The following SUCLG2 variants were observed in gnomAD, a reference collection of about 807,000 sequenced individuals.
SUCLG2 encodes succinate--CoA ligase [GDP-forming] subunit beta, mitochondrial.
A neutral mutation model predicts 47.9 loss-of-function variants in SUCLG2; 42 were observed. That is an observed-to-expected ratio of 0.88 (90% CI 0.69 to 1.14). SUCLG2 has a LOEUF of 1.14. Ranked by LOEUF, SUCLG2 falls within the 50% of genes most tolerant of loss-of-function variation. The probability of loss-of-function intolerance (pLI) is 0.00; values close to 1 mark genes in which losing one functional copy is unlikely to be tolerated. For synonymous variants in SUCLG2, 195 were observed against 197.3 expected (o/e 0.99, Z 0.10); for missense variants, 571 against 525.9 (o/e 1.09, Z -0.84).
intron 10 of SUCLG2, among the ~76,000 whole-genome samples, chr3:67,366,071 A>G (rs1227064925): frequency 2.0e-5 from 3 of 152,200 alleles, no homozygotes; most frequent in African/African-American, 4.8e-5. Context: ...CCCTAAAGAC[A>G]TAAAATCCCT....
intron 9 of SUCLG2, among the ~76,000 whole-genome samples, chr3:67,401,421 G>C (rs1702680963): frequency 6.6e-6 from 1 of 151,918 alleles, no homozygotes; most frequent in Non-Finnish European, 1.5e-5. Flanking sequence ...ATTAAAAAAA[G>C]ACTCTCGAAA....
chr3:67,442,035 A>G (rs1703777757), intron 9 of SUCLG2, among the ~76,000 whole-genome samples: 1 of 147,008 alleles, frequency 6.8e-6, no homozygotes, highest in South Asian at 2.2e-4. Context: ...TTTTGAGACG[A>G]AGTCTCGCTC....
chr3:67,589,298 G>T (rs745980725), intron 2 of SUCLG2, among the ~76,000 whole-genome samples: 9 of 152,102 alleles, frequency 5.9e-5, no homozygotes, highest in African/African-American at 9.7e-5. Flanking sequence ...ACATTATATT[G>T]TAAGTCTTTA....
chr3:67,558,925 T>TA (rs1172161415), intron 2 of SUCLG2, among the ~76,000 whole-genome samples: 1 of 151,974 alleles, frequency 6.6e-6, no homozygotes, highest in East Asian at 1.9e-4. Flanking sequence ...GGTTAAAAAA[T>TA]AAAAAATGAA....
chr3:67,540,443 G>A (rs1706671641), intron 2 of SUCLG2, among the ~76,000 whole-genome samples: 1 of 152,050 alleles, frequency 6.6e-6, no homozygotes, highest in African/African-American at 2.4e-5. Flanking sequence ...AGTTCTGACT[G>A]GGCAGAGCCC....
At position 67,637,437 on chromosome 3, in the gene SUCLG2, G is replaced by C. The variant is rs76883115; in HGVS notation, c.84+17066C>G. 9.1e-3 allele frequency among the ~76,000 whole-genome samples: 1,387 copies of C among 152,252 alleles called. 8 individuals are homozygous for C. The highest frequency in any genetic ancestry group is 0.013 in the Non-Finnish European group (852 of 68,002). On this transcript the variant is annotated intron_variant, in intron 1 of 10. Transcript: ENST00000307227. The stretch of plus-strand genomic sequence containing the variant: ...GTGGATTTTAAAAAACGAAAGTACA[G>C]TCTGTCTCAGGAAAATTGTACTTGT...
intron 9 of SUCLG2, among the ~76,000 whole-genome samples, chr3:67,439,150 C>T (rs549073117): frequency 5.3e-5 from 8 of 152,206 alleles, no homozygotes; most frequent in Non-Finnish European, 1.0e-4. Flanking sequence ...ATGATTATCT[C>T]AATAGATGCA....
chr3:67,435,656 G>A (rs1025078912), intron 9 of SUCLG2, among the ~76,000 whole-genome samples: 5 of 152,168 alleles, frequency 3.3e-5, no homozygotes, highest in Non-Finnish European at 1.5e-5. Flanking sequence ...TGCAAGAATA[G>A]GAAAGCTAGT....
chr3:67,424,665 T>C (rs12489897), intron 9 of SUCLG2, among the ~76,000 whole-genome samples: 116,308 of 151,364 alleles, frequency 0.77, 44,948 homozygotes, highest in Admixed American at 0.87. Flanking sequence ...AAGTACAAGA[T>C]CCTGGCAAGT....
chr3:67,473,675 G>T (rs984777900), intron 9 of SUCLG2, among the ~76,000 whole-genome samples: 2 of 152,136 alleles, frequency 1.3e-5, no homozygotes, highest in African/African-American at 4.8e-5. Context: ...ATGATATTTT[G>T]TTTGGAAAAG....
At chr3:67,640,893 A>G (rs1026736547) in intron 1 of SUCLG2, among the ~76,000 whole-genome samples, 1 of 152,228 alleles carries the variant, frequency 6.6e-6, no homozygotes, top group African/African-American at 2.4e-5. Context: ...GAATTAAGTT[A>G]CAAAACTGTT....
chr3:67,602,125 G>C (rs1395843432), intron 2 of SUCLG2, among the ~76,000 whole-genome samples: 1 of 152,152 alleles, frequency 6.6e-6, no homozygotes, highest in Non-Finnish European at 1.5e-5. Flanking sequence ...GTGACACTCA[G>C]TACCAGTCCT....
At chr3:67,439,959 C>T (rs1033936043) in intron 9 of SUCLG2, among the ~76,000 whole-genome samples, 2 of 152,142 alleles carry the variant, frequency 1.3e-5, no homozygotes, top group Admixed American at 6.5e-5. Flanking sequence ...CTGGAGGCAT[C>T]ATACTACCTG....
intron 1 of SUCLG2, among the ~76,000 whole-genome samples, chr3:67,651,433 T>A (rs932253836): frequency 2.0e-5 from 3 of 152,230 alleles, no homozygotes; most frequent in African/African-American, 7.2e-5. Flanking sequence ...CCTAGCTGGC[T>A]ACCTTTCATC....
At chr3:67,371,336 A>G (rs1025722415), downstream of SUCLG2, among the ~76,000 whole-genome samples, 7 of 152,214 alleles carry the variant, frequency 4.6e-5, no homozygotes, top group African/African-American at 1.4e-4. Context: ...TTAGAATATG[A>G]AAATATGAGA....
chr3:67,475,542 T>C (rs1472017705), intron 9 of SUCLG2, among the ~76,000 whole-genome samples: 1 of 152,190 alleles, frequency 6.6e-6, no homozygotes, highest in African/African-American at 2.4e-5. Context: ...AAATGTCCTA[T>C]TATAAGTTTT....
intron 1 of SUCLG2, among the ~76,000 whole-genome samples, chr3:67,616,148 A>T (rs1700624701): frequency 6.6e-6 from 1 of 152,096 alleles, no homozygotes; most frequent in Non-Finnish European, 1.5e-5. Context: ...CACAGGTGAG[A>T]TTAGGCTGGA....
intron 10 of SUCLG2, among the ~76,000 whole-genome samples, chr3:67,368,586 C>A (rs1350799256): frequency 6.6e-6 from 1 of 151,838 alleles, no homozygotes; most frequent in African/African-American, 2.4e-5. Context: ...ATTTTTCTGG[C>A]ATCTTCATTT....
intron 1 of SUCLG2, among the ~76,000 whole-genome samples, chr3:67,630,816 A>G (rs1021793081): frequency 6.6e-6 from 1 of 152,226 alleles, no homozygotes; most frequent in Non-Finnish European, 1.5e-5. Context: ...CTAGAATACT[A>G]AACTTTAATC....
Sources: gnomAD v4.1 joint callset for allele counts (sites outside exome capture counted in the v4.1 genomes callset) on GRCh38, gnomAD v4.1.1 for gene constraint, MANE v1.5 for transcripts, NCBI Gene and HGNC (gene_info 2026-07-23, HGNC 2026-07-21) for gene names.